The following AGBL4 variants were observed in gnomAD, a reference collection of about 807,000 sequenced individuals.
AGBL4 encodes the protein cytosolic carboxypeptidase 6.
Under a neutral mutation model 66.4 loss-of-function variants are expected in AGBL4, and 58 were observed. The ratio of observed to expected loss-of-function variants is 0.87; its 90% confidence interval spans 0.71 to 1.09. The LOEUF (loss-of-function observed/expected upper bound fraction) is 1.09. Among genes scored for constraint, AGBL4 ranks in the 50% least tolerant of loss-of-function variants. AGBL4 has a pLI of 0.00. For synonymous variants in AGBL4, 234 were observed against 222.9 expected, an observed-to-expected ratio of 1.05 and a Z score of -0.44; for missense variants, 579 against 631.0, an observed-to-expected ratio of 0.92 and a Z score of 0.88.
intron 6 of AGBL4, among the ~76,000 whole-genome samples, chr1:48,739,986 C>G (rs1183896591): frequency 1.3e-5 from 2 of 152,324 alleles, no homozygotes; most frequent in East Asian, 3.9e-4. Context: ...AAGGCTTTGC[C>G]TCTTCTGTCC....
intron 4 of AGBL4, among the ~76,000 whole-genome samples, chr1:49,066,995 C>G (rs1644503554): frequency 6.6e-6 from 1 of 152,168 alleles, no homozygotes; most frequent in East Asian, 1.9e-4. Context: ...AGCGGAGATT[C>G]TGAGATGAAC....
At chr1:48,761,502 C>G (rs577534756) in intron 6 of AGBL4, 12 of 1,543,328 alleles carry the variant, frequency 7.8e-6, no homozygotes, top group Middle Eastern at 1.8e-4. Context: ...CAAGGTTCAT[C>G]ATGAGTTAAA....
chr1:48,604,856 A>G (rs945514161), intron 9 of AGBL4, among the ~76,000 whole-genome samples: 4 of 152,230 alleles, frequency 2.6e-5, no homozygotes, highest in African/African-American at 9.7e-5. Context: ...GGTAACAAAC[A>G]AGCTTTATGT....
At position 48,775,270 on chromosome 1, in the gene AGBL4, G is replaced by T. The variant is rs576149105; in HGVS notation, c.634+91921C>A. The stretch of plus-strand genomic sequence containing the variant: ...AAAAGGGTCCAAGTGCTGCTGGTCA[G>T]TTTCCAGTTCTTCCACTCTTCAACT... On this transcript the variant is annotated intron_variant, in intron 6 of 13. Transcript: ENST00000371839. Among the ~76,000 whole-genome samples the T allele has an allele frequency of 3.3e-5, 5 of 152,236 alleles. No homozygotes were observed. The East Asian group carries it at 5.8e-4, about 18-fold the overall frequency.
chr1:49,104,526 C>A (rs1214889848), intron 4 of AGBL4, among the ~76,000 whole-genome samples: 3 of 152,078 alleles, frequency 2.0e-5, no homozygotes, highest in Non-Finnish European at 4.4e-5. Flanking sequence ...TTACTTATTT[C>A]CATTTTACCA....
At chr1:49,288,536 T>C (rs1425195694) in intron 3 of AGBL4, among the ~76,000 whole-genome samples, 2 of 152,156 alleles carry the variant, frequency 1.3e-5, no homozygotes, top group Non-Finnish European at 2.9e-5. Flanking sequence ...ACCAAAATTC[T>C]GTGCAATTTT....
chr1:48,664,913 A>G (rs1646161975), intron 6 of AGBL4, among the ~76,000 whole-genome samples: 1 of 152,240 alleles, frequency 6.6e-6, no homozygotes, highest in Admixed American at 6.5e-5. Flanking sequence ...GGATTTATCA[A>G]TGTTTGAGGA....
intron 5 of AGBL4, among the ~76,000 whole-genome samples, chr1:49,033,642 G>A (rs962993349): frequency 6.6e-5 from 10 of 151,980 alleles, no homozygotes; most frequent in Admixed American, 5.9e-4. Context: ...TTCCACAAGA[G>A]TCACACAAGG....
At chr1:49,562,813 G>A (rs1468562358) in intron 3 of AGBL4, among the ~76,000 whole-genome samples, 2 of 151,994 alleles carry the variant, frequency 1.3e-5, no homozygotes, top group African/African-American at 4.8e-5. Flanking sequence ...ATTCCATATG[G>A]ACTTTAAAGT....
At chr1:48,693,609 T>C (rs2148495790) in intron 6 of AGBL4, among the ~76,000 whole-genome samples, 1 of 152,294 alleles carries the variant, frequency 6.6e-6, no homozygotes, top group East Asian at 1.9e-4. Flanking sequence ...CCTTGCCAGA[T>C]GGGCACTCTG....
intron 2 of AGBL4, among the ~76,000 whole-genome samples, chr1:49,764,779 C>T (rs1652613250): frequency 6.6e-6 from 1 of 152,124 alleles, no homozygotes; most frequent in African/African-American, 2.4e-5. Context: ...ATAAAGTTAT[C>T]TAATTCAGGC....
chr1:49,795,938 A>G (rs1157040111), intron 2 of AGBL4, among the ~76,000 whole-genome samples: 1 of 152,008 alleles, frequency 6.6e-6, no homozygotes, highest in Non-Finnish European at 1.5e-5. Flanking sequence ...AATCAATATA[A>G]TTGACTACAT....
chr1:48,976,832 A>C, intron 5 of AGBL4, among the ~76,000 whole-genome samples: 1 of 151,964 alleles, frequency 6.6e-6, no homozygotes, highest in East Asian at 1.9e-4. Context: ...AGACCTTCTA[A>C]GGACCATCCC....
At chr1:48,583,874 A>G (rs1484081247) in intron 11 of AGBL4, 1 of 140,016 alleles carries the variant, frequency 7.1e-6, no homozygotes. Context: ...TTTTTTAAGT[A>G]TTTCAAACAG....
chr1:49,557,299 A>T (rs1212998644), intron 3 of AGBL4, among the ~76,000 whole-genome samples: 1 of 152,218 alleles, frequency 6.6e-6, no homozygotes, highest in Non-Finnish European at 1.5e-5. Flanking sequence ...CTACAAAAAA[A>T]GACACATTCA....
Position 49,066,132 on chromosome 1 carries a change from A to G in AGBL4, c.378-20332T>C, listed in dbSNP as rs183366191. Among the ~76,000 whole-genome samples the G allele has an allele frequency of 2.6e-5, 4 of 152,342 alleles. No individual in the cohort carries two copies. The East Asian group carries it at 7.7e-4, about 29-fold the overall frequency. ...GGACAAATGGAAGGAGAGAGGCCTT[A>G]ATGGAAGATTCACGTGAGAGCATGG... On this transcript the variant is annotated intron_variant, in intron 4 of 13. Transcript: ENST00000371839.
intron 3 of AGBL4, among the ~76,000 whole-genome samples, chr1:49,612,475 A>G (rs575232868): frequency 1.3e-5 from 2 of 152,240 alleles, no homozygotes; most frequent in Non-Finnish European, 2.9e-5. Context: ...AAAGATTTTA[A>G]TATTCAGGAT....
chr1:49,897,862 A>G (rs1439123197), intron 1 of AGBL4, among the ~76,000 whole-genome samples: 1 of 151,826 alleles, frequency 6.6e-6, no homozygotes, highest in African/African-American at 2.4e-5. Flanking sequence ...AAGAACATAC[A>G]TTAGGGAAAG....
chr1:49,659,889 C>T (rs1389474055), intron 3 of AGBL4, among the ~76,000 whole-genome samples: 1 of 152,016 alleles, frequency 6.6e-6, no homozygotes, highest in African/African-American at 2.4e-5. Context: ...TCAGCAAATG[C>T]AAGGCTACAG....
Sources: allele counts gnomAD v4.1 joint callset (sites outside exome capture counted in the v4.1 genomes callset), GRCh38; gene constraint gnomAD v4.1.1; transcripts MANE v1.5; gene names NCBI Gene and HGNC (gene_info 2026-07-23, HGNC 2026-07-21).